RUNX1T1: variants seen among roughly 807,000 people sequenced by gnomAD.
The protein encoded by RUNX1T1 is protein CBFA2T1.
A neutral mutation model predicts 62.8 loss-of-function variants in RUNX1T1; 4 were observed. The ratio of observed to expected loss-of-function variants is 0.06; its 90% CI spans 0.03 to 0.15. The LOEUF (loss-of-function observed/expected upper bound fraction) is 0.15. Among genes scored for constraint, RUNX1T1 ranks in the 10% least tolerant of loss-of-function variants. The pLI is 1.00. For synonymous variants in RUNX1T1, 291 were observed against 286.0 expected (o/e 1.02, Z -0.18); for missense variants, 508 against 754.3 (o/e 0.67, Z 3.82).
At chr8:91,994,247 T>C (rs1818252559) in intron 5 of RUNX1T1, among the ~76,000 whole-genome samples, 1 of 152,196 alleles carries the variant, frequency 6.6e-6, no homozygotes, top group Non-Finnish European at 1.5e-5. Context: ...AAATATCCAA[T>C]GTAGCTCAGA....
At chr8:92,030,791 T>C (rs1383129742) in intron 1 of RUNX1T1, among the ~76,000 whole-genome samples, 1 of 152,208 alleles carries the variant, frequency 6.6e-6, no homozygotes, top group African/African-American at 2.4e-5. Context: ...GGAATTCTCT[T>C]GGACCCTGGC....
At chr8:91,980,044 T>C (rs1814878056) in intron 8 of RUNX1T1, 1 of 256,424 alleles carries the variant, frequency 3.9e-6, no homozygotes, top group Non-Finnish European at 8.0e-6. Flanking sequence ...TTTTTAAGGA[T>C]AATACATTCA....
intron 1 of RUNX1T1, among the ~76,000 whole-genome samples, chr8:92,028,028 A>C (rs1222394236): frequency 7.2e-6 from 1 of 138,546 alleles, no homozygotes; most frequent in Non-Finnish European, 1.5e-5. Flanking sequence ...AGTGCCTGAA[A>C]TAGTAGGCAT....
At chr8:92,081,318 T>C (rs1344639637) in intron 1 of RUNX1T1, 1 of 754,388 alleles carries the variant, frequency 1.3e-6, no homozygotes, top group Non-Finnish European at 1.6e-6. Context: ...GTACCTATTT[T>C]AATATAATTA....
At chr8:92,007,423 T>C (rs929561394) in intron 4 of RUNX1T1, among the ~76,000 whole-genome samples, 6 of 151,516 alleles carry the variant, frequency 4.0e-5, no homozygotes, top group Non-Finnish European at 7.4e-5. Context: ...GCCGAGATTA[T>C]ACCACCACAC....
At chr8:92,053,666 A>C (rs1014664370) in intron 1 of RUNX1T1, among the ~76,000 whole-genome samples, 1 of 152,172 alleles carries the variant, frequency 6.6e-6, no homozygotes, top group Non-Finnish European at 1.5e-5. Flanking sequence ...ACTTACTGAA[A>C]ATTTTTATAA....
intron 1 of RUNX1T1, among the ~76,000 whole-genome samples, chr8:92,035,983 T>C (rs901904232): frequency 6.6e-6 from 1 of 152,196 alleles, no homozygotes; most frequent in Non-Finnish European, 1.5e-5. Flanking sequence ...AGTGAACACA[T>C]ACATAAATTT....
At chr8:91,991,512 T>C (rs1817672278) in intron 6 of RUNX1T1, 127 bp downstream of exon 7, 5 of 1,052,084 alleles carry the variant, frequency 4.8e-6, no homozygotes, top group Non-Finnish European at 7.0e-6. Context: ...AAGGAGACAA[T>C]ATAAAGCAAG....
chr8:91,979,609 G>A (rs1396892788), intron 8 of RUNX1T1, among the ~76,000 whole-genome samples: 1 of 151,520 alleles, frequency 6.6e-6, no homozygotes, highest in East Asian at 1.9e-4. Context: ...CTTGGGGCGG[G>A]GGGTGGTGGT....
intron 1 of RUNX1T1, among the ~76,000 whole-genome samples, chr8:92,022,685 C>A (rs1563778400): frequency 1.3e-5 from 2 of 152,178 alleles, no homozygotes; most frequent in Non-Finnish European, 1.5e-5. Flanking sequence ...ATTTCCCAGC[C>A]TCCAGAAGTA....
intron 1 of RUNX1T1, among the ~76,000 whole-genome samples, chr8:92,076,634 GCA>G (rs1217085237): frequency 6.6e-6 from 1 of 152,058 alleles, no homozygotes. Flanking sequence ...GCCATTATTA[GCA>G]CACATAGTTT....
intron 5 of RUNX1T1, among the ~76,000 whole-genome samples, chr8:91,998,040 C>T (rs1819040420): frequency 6.6e-6 from 1 of 152,130 alleles, no homozygotes; most frequent in African/African-American, 2.4e-5. Flanking sequence ...TCTTCCTTTC[C>T]TTTTCTAACA....
At chr8:91,961,805 T>G (rs1421761083) in intron 10 of RUNX1T1, among the ~76,000 whole-genome samples, 1 of 152,230 alleles carries the variant, frequency 6.6e-6, no homozygotes, top group Non-Finnish European at 1.5e-5. Flanking sequence ...ATTCTTTAAC[T>G]TCATTGGTTT....
upstream of RUNX1T1, among the ~76,000 whole-genome samples, chr8:92,064,178 C>T (rs543462296): frequency 6.6e-6 from 1 of 152,250 alleles, no homozygotes; most frequent in African/African-American, 2.4e-5. Context: ...TCCGCACAAA[C>T]TAAAAATATA....
chr8:92,006,674 T>C (rs1820842297), intron 4 of RUNX1T1: 1 of 146,360 alleles, frequency 6.8e-6, no homozygotes, highest in Middle Eastern at 3.6e-3. Flanking sequence ...TTTAACTTTT[T>C]TTTTTTTTTT....
intron 1 of RUNX1T1, among the ~76,000 whole-genome samples, chr8:92,022,862 G>A (rs866406445): frequency 1.3e-5 from 2 of 152,164 alleles, no homozygotes; most frequent in Admixed American, 1.3e-4. Context: ...CATTGTCCAT[G>A]GAATAAAATA....
intron 4 of RUNX1T1, among the ~76,000 whole-genome samples, chr8:92,008,386 TCTCACACACACACA>T (rs1460051156): frequency 2.0e-5 from 1 of 49,100 alleles, no homozygotes; most frequent in Non-Finnish European, 4.3e-5. Context: ...TCTCTCTCTC[TCTCACACACACACA>T]CACACACACA....
chr8:92,102,478 A>G (rs1586049465), upstream of RUNX1T1, among the ~76,000 whole-genome samples: 1 of 151,618 alleles, frequency 6.6e-6, no homozygotes, highest in East Asian at 1.9e-4. The surrounding 1 kb of genome is among the most constrained non-coding windows in gnomAD (Gnocchi z 4.5). Context: ...GCATAGGGCC[A>G]CCTGCCAAAT....
At chr8:92,001,128 C>A (rs543709655) in intron 5 of RUNX1T1, among the ~76,000 whole-genome samples, 1 of 152,038 alleles carries the variant, frequency 6.6e-6, no homozygotes, top group South Asian at 2.1e-4. Flanking sequence ...GAGTTTAAGA[C>A]CAGCCTGGGC....
Sources: gnomAD v4.1 joint callset for allele counts (sites outside exome capture counted in the v4.1 genomes callset) on GRCh38, gnomAD v4.1.1 for gene constraint, Gnocchi (gnomAD v3.1) non-coding constraint, MANE v1.5 for transcripts, NCBI Gene and HGNC (gene_info 2026-07-23, HGNC 2026-07-21) for gene names.